The following NAALADL2 variants were observed in gnomAD, a reference collection of about 807,000 sequenced individuals.
NAALADL2 encodes the protein inactive N-acetylated-alpha-linked acidic dipeptidase-like protein 2.
A neutral mutation model predicts 87.2 loss-of-function variants in NAALADL2; 76 were observed. That is an observed-to-expected ratio of 0.87 (90% CI 0.72 to 1.05). The LOEUF is 1.05. Among genes scored for constraint, NAALADL2 ranks in the 50% least tolerant of loss-of-function variants. The pLI, the probability that NAALADL2 is intolerant of heterozygous loss-of-function variation, is 0.00. For synonymous variants in NAALADL2, 354 were observed against 331.0 expected (o/e 1.07, Z -0.75); for missense variants, 1,089 against 945.8 (o/e 1.15, Z -1.99).
intron 13 of NAALADL2, among the ~76,000 whole-genome samples, chr3:175,763,318 A>C (rs1748283495): frequency 6.6e-6 from 1 of 151,978 alleles, no homozygotes; most frequent in Admixed American, 6.6e-5. Flanking sequence ...TTTGGCATCA[A>C]CCATTTTGTG....
At chr3:174,751,433 C>A (rs1348828599) in intron 3 of NAALADL2, among the ~76,000 whole-genome samples, 1 of 151,988 alleles carries the variant, frequency 6.6e-6, no homozygotes, top group Non-Finnish European at 1.5e-5. Context: ...GAGGCCAAGG[C>A]GGGTGGATTA....
intron 1 of NAALADL2, among the ~76,000 whole-genome samples, chr3:174,889,970 T>G (rs1003366881): frequency 1.3e-5 from 2 of 152,158 alleles, no homozygotes; most frequent in Non-Finnish European, 2.9e-5. Context: ...TCCCCTTCAA[T>G]GTTTCTTAAA....
intron 2 of NAALADL2, among the ~76,000 whole-genome samples, chr3:174,678,873 G>A (rs372658540): frequency 1.5e-3 from 223 of 152,250 alleles, no homozygotes; most frequent in African/African-American, 5.1e-3. Context: ...GTCAATTTTT[G>A]TTGCTCTGGA....
At chr3:175,067,624 T>G (rs1000290683) in intron 1 of NAALADL2, among the ~76,000 whole-genome samples, 2 of 152,092 alleles carry the variant, frequency 1.3e-5, no homozygotes, top group African/African-American at 4.8e-5. Flanking sequence ...GAAAAAGGAA[T>G]GCTTATACAC....
At chr3:175,782,750 T>C (rs1432519558) in intron 13 of NAALADL2, among the ~76,000 whole-genome samples, 5 of 143,074 alleles carry the variant, frequency 3.5e-5, no homozygotes, top group African/African-American at 1.4e-4. Context: ...TTGCCATTGC[T>C]TTTGGTGTTT....
intron 5 of NAALADL2, among the ~76,000 whole-genome samples, chr3:175,338,476 G>A (rs918995178): frequency 7.3e-5 from 11 of 151,266 alleles, no homozygotes; most frequent in Non-Finnish European, 1.2e-4. Flanking sequence ...TTCTGCGTAG[G>A]TCCCCGTCCC....
intron 1 of NAALADL2, among the ~76,000 whole-genome samples, chr3:174,929,824 G>A (rs1736611404): frequency 6.6e-6 from 1 of 152,050 alleles, no homozygotes; most frequent in Admixed American, 6.6e-5. Context: ...TGTAACTTTA[G>A]CCAACTTAAT....
rs553244569 is a variant in NAALADL2, at chr3:175,173,583, A to G, written c.546-60348A>G. On this transcript the variant is annotated intron_variant, in intron 2 of 13. Coordinates refer to ENST00000454872, the MANE Select transcript of NAALADL2 (RefSeq NM_207015.3). ...TAATCTTAAATATGAACCTTTATTT[A>G]TCCACCATATTATATTTGATACATG... is the stretch of plus-strand genomic sequence containing the variant. 7.9e-5 allele frequency among the ~76,000 whole-genome samples: 12 copies of G among 152,354 alleles called. 1 individual carries two copies. In the South Asian group the frequency reaches 2.5e-3, roughly 32 times the overall value.
intron 2 of NAALADL2, among the ~76,000 whole-genome samples, chr3:174,729,299 A>C (rs1229137928): frequency 6.6e-6 from 1 of 152,036 alleles, no homozygotes; most frequent in Non-Finnish European, 1.5e-5. Flanking sequence ...TTAACTCATT[A>C]ATACTTATAA....
intron 1 of NAALADL2, among the ~76,000 whole-genome samples, chr3:175,003,923 A>G (rs536716714): frequency 1.3e-5 from 2 of 152,330 alleles, no homozygotes; most frequent in Middle Eastern, 3.4e-3. Context: ...TCGAAGACAG[A>G]AAACAACAAT....
chr3:174,913,205 A>G (rs2108311010), intron 1 of NAALADL2, among the ~76,000 whole-genome samples: 1 of 152,274 alleles, frequency 6.6e-6, no homozygotes, highest in East Asian at 1.9e-4. Context: ...TTGTCTTACC[A>G]ACTAGTAAGA....
At chr3:175,391,180 T>A (rs1011921480) in intron 5 of NAALADL2, among the ~76,000 whole-genome samples, 1 of 152,178 alleles carries the variant, frequency 6.6e-6, no homozygotes, top group African/African-American at 2.4e-5. Flanking sequence ...ATGTCGAGAT[T>A]CCCTCATTGA....
Position 175,156,131 on chromosome 3 carries a change from G to A in NAALADL2, c.545+58840G>A, listed in dbSNP as rs1171322804. 2.6e-5 allele frequency among the ~76,000 whole-genome samples: 4 copies of A among 152,128 alleles called. No individual in the cohort carries two copies. The East Asian group carries it at 7.7e-4, about 29-fold the overall frequency. ...GGAGTAAATGACCCTTTGAGTTAGT[G>A]TTAGACTAAGGATTCTTATTTTCAA... On this transcript the variant is annotated intron_variant, in intron 2 of 13. Coordinates refer to ENST00000454872, the MANE Select transcript of NAALADL2 (RefSeq NM_207015.3).
At chr3:175,532,007 A>G (rs988661171) in intron 9 of NAALADL2, among the ~76,000 whole-genome samples, 2 of 152,200 alleles carry the variant, frequency 1.3e-5, no homozygotes, top group African/African-American at 4.8e-5. Context: ...AAAGGCTTCC[A>G]TTCGGCCTTT....
intron 2 of NAALADL2, among the ~76,000 whole-genome samples, chr3:175,190,918 C>T (rs1175287137): frequency 4.1e-5 from 6 of 144,650 alleles, no homozygotes; most frequent in East Asian, 2.0e-4. Flanking sequence ...GCGGAGCTTG[C>T]AGTGAGCCGA....
chr3:174,937,266 T>A (rs1019449237), intron 1 of NAALADL2, among the ~76,000 whole-genome samples: 4 of 152,012 alleles, frequency 2.6e-5, no homozygotes, highest in Non-Finnish European at 4.4e-5. Flanking sequence ...AAAGCTAAGC[T>A]AGGGTCCCTA....
chr3:175,721,043 C>T (rs1172126578), intron 11 of NAALADL2, among the ~76,000 whole-genome samples: 2 of 151,970 alleles, frequency 1.3e-5, no homozygotes, highest in Admixed American at 1.3e-4. Context: ...AAGAAAACCA[C>T]ACTAATAAGA....
At position 175,314,563 on chromosome 3, in the gene NAALADL2, CTATATATATATATATATA is replaced by C. The variant is rs57049565; in HGVS notation, c.940-9593_940-9576del. On this transcript the variant is annotated intron_variant, in intron 4 of 13. Coordinates refer to ENST00000454872, the MANE Select transcript of NAALADL2 (RefSeq NM_207015.3). ...ATTAATACTTACCTTCACATTCTAA[CTATATATATATATATATA>C]TATATATATATATATATAGGCTATA... Among the ~76,000 whole-genome samples, 113 of 69,614 alleles carry C rather than the reference CTATATATATATATATATA, an allele frequency of 1.6e-3. 1 individual carries two copies. Among genetic ancestry groups the C allele is most frequent in the African/African-American group, 5.4e-3 (102 of 18,912 alleles). 45.7% of individuals were successfully genotyped at this position (69,614 alleles called of 152,430 possible). A position where few individuals can be genotyped will look rare whatever the true frequency, so the allele number is the denominator to read the frequency against.
intron 1 of NAALADL2, among the ~76,000 whole-genome samples, chr3:174,923,905 C>T (rs1312287320): frequency 6.6e-6 from 1 of 151,960 alleles, no homozygotes; most frequent in Non-Finnish European, 1.5e-5. Flanking sequence ...TGCCTTGTCC[C>T]CTGGCAGAGT....
Sources: allele counts gnomAD v4.1 joint callset (sites outside exome capture counted in the v4.1 genomes callset), GRCh38; gene constraint gnomAD v4.1.1; transcripts MANE v1.5; gene names NCBI Gene and HGNC (gene_info 2026-07-23, HGNC 2026-07-21).